Variants in NRXN1 observed in about 807,000 individuals in gnomAD.
NRXN1 encodes the protein neurexin-1.
NRXN1 carries 39 observed loss-of-function variants against 150.9 expected under a neutral mutation model. The ratio of observed to expected loss-of-function variants is 0.26; its 90% CI spans 0.20 to 0.34. The LOEUF (loss-of-function observed/expected upper bound fraction) is 0.34, where lower values mean the gene tolerates loss of function less well. Among genes scored for constraint, NRXN1 ranks in the 10% least tolerant of loss-of-function variants. NRXN1 has a pLI of 1.00. For missense variants in NRXN1, 1,815 were observed against 1,949.9 expected, an observed-to-expected ratio of 0.93 and a Z score of 1.30; for synonymous variants, 924 against 757.0, an observed-to-expected ratio of 1.22 and a Z score of -3.62.
chr2:50,582,337 G>A (rs1352020179), intron 8 of NRXN1, among the ~76,000 whole-genome samples: 1 of 151,678 alleles, frequency 6.6e-6, no homozygotes, highest in Non-Finnish European at 1.5e-5. Flanking sequence ...AGCCTGGGCA[G>A]CATGCCAAAT....
chr2:50,520,220 T>C (rs1005001123), intron 12 of NRXN1, among the ~76,000 whole-genome samples: 2 of 151,942 alleles, frequency 1.3e-5, no homozygotes, highest in Admixed American at 1.3e-4. Flanking sequence ...ATACTATTTC[T>C]GATTAGGAAC....
At chr2:50,559,765 CTATG>C (rs1464834164) in intron 8 of NRXN1, among the ~76,000 whole-genome samples, 1 of 151,910 alleles carries the variant, frequency 6.6e-6, no homozygotes, top group East Asian at 1.9e-4. Context: ...TAATACATAC[CTATG>C]TATGTCAGAG....
intron 17 of NRXN1, among the ~76,000 whole-genome samples, chr2:50,376,202 A>G (rs1221622598): frequency 6.6e-6 from 1 of 152,010 alleles, no homozygotes; most frequent in African/African-American, 2.4e-5. Flanking sequence ...AGAAAACAGT[A>G]TAAAGGACTT....
rs1677538445 is a variant in NRXN1, at chr2:50,870,055, T to C, written c.832+51814A>G. Among the ~76,000 whole-genome samples, 3 of 151,888 alleles carry C rather than the reference T, an allele frequency of 2.0e-5. 1 individual carries two copies. In the South Asian group the frequency reaches 6.2e-4, roughly 31 times the overall value. ...TTCTAGGTACTCAATAATAATATTG[T>C]AATTGGATTCTCCAGAATTATCATA... On this transcript the variant is annotated intron_variant, in intron 5 of 22. Transcript: ENST00000401669.
intron 5 of NRXN1, among the ~76,000 whole-genome samples, chr2:50,636,013 A>G (rs1454645563): frequency 6.6e-6 from 1 of 152,204 alleles, no homozygotes; most frequent in Non-Finnish European, 1.5e-5. Context: ...TACATTTAAA[A>G]TCACTACTCA....
At chr2:49,978,777 G>A (rs1260252848) in intron 21 of NRXN1, among the ~76,000 whole-genome samples, 1 of 151,648 alleles carries the variant, frequency 6.6e-6, no homozygotes, top group Non-Finnish European at 1.5e-5. Flanking sequence ...TATGGTGTGG[G>A]AGAAAACTAC....
chr2:50,151,325 G>GCACA (rs1371987472), intron 18 of NRXN1, among the ~76,000 whole-genome samples: 2 of 151,526 alleles, frequency 1.3e-5, no homozygotes, highest in Non-Finnish European at 2.9e-5. Flanking sequence ...CATTAATAGT[G>GCACA]CACACTAAAA....
intron 22 of NRXN1, among the ~76,000 whole-genome samples, chr2:49,929,621 A>G (rs2104157531): frequency 6.6e-6 from 1 of 152,310 alleles, no homozygotes; most frequent in South Asian, 2.1e-4. Flanking sequence ...CATACCAAAA[A>G]GAGTTCAACC....
rs1216394591 is a variant in NRXN1 at position 50,053,291 on chromosome 2, T to C, written c.4108A>G (p.Thr1370Ala). Reference protein sequence around the residue: ...TSTARRGKPPTKEPISQTTDD... With the variant: ...TSTARRGKPPAKEPISQTTDD... ...CTCACCTGGCTAATGGGTTCTTTTG[T>C]CGGGGGCTTTCCTCTTCTGGCTGTG... Residue 1370 changes from threonine to alanine, a missense_variant, in exon 21 of 23, where the codon ACA (threonine) becomes GCA (alanine). Physicochemically the swap from Thr to Ala is moderately conservative, Grantham distance 58. Around this residue, in one of 6 missense-constraint regions of NRXN1, gnomAD observed 265 missense variants for 307.1 expected, o/e 0.86. Transcript: ENST00000401669. 1 of 1,613,846 alleles carries C rather than the reference T, an allele frequency of 6.2e-7. No homozygotes were observed. The highest frequency in any genetic ancestry group is 8.5e-7 in the Non-Finnish European group (1 of 1,179,880).
At chr2:50,281,322 C>CAATAATAATAAT (rs371009865) in intron 17 of NRXN1, among the ~76,000 whole-genome samples, 20,666 of 148,856 alleles carry the variant, frequency 0.14, 1,738 homozygotes, top group East Asian at 0.33. Context: ...GTCTCAAAAA[C>CAATAATAATAAT]AATAATAATA....
chr2:51,023,206 A>G (rs1357203202), intron 2 of NRXN1, among the ~76,000 whole-genome samples: 1 of 152,108 alleles, frequency 6.6e-6, no homozygotes, highest in African/African-American at 2.4e-5. Context: ...TGTTCTCTAC[A>G]CTGTAGCTAG....
At chr2:50,758,562 C>A (rs963639503) in intron 5 of NRXN1, among the ~76,000 whole-genome samples, 1 of 151,862 alleles carries the variant, frequency 6.6e-6, no homozygotes, top group Non-Finnish European at 1.5e-5. Context: ...TCTGCTTCAG[C>A]CTCCCAAGTA....
intron 5 of NRXN1, among the ~76,000 whole-genome samples, chr2:50,907,762 ATTCTT>A (rs1683930656): frequency 6.6e-6 from 1 of 152,112 alleles, no homozygotes; most frequent in East Asian, 1.9e-4. Flanking sequence ...AAGAAAGCAG[ATTCTT>A]TGCAAGTGCT....
chr2:50,651,250 T>A (rs1026881381), intron 5 of NRXN1, among the ~76,000 whole-genome samples: 1 of 151,994 alleles, frequency 6.6e-6, no homozygotes, highest in Non-Finnish European at 1.5e-5. Context: ...TAGAATACCC[T>A]CTGGCCATCC....
intron 17 of NRXN1, among the ~76,000 whole-genome samples, chr2:50,377,363 C>T (rs1222382317): frequency 6.6e-6 from 1 of 152,112 alleles, no homozygotes; most frequent in Non-Finnish European, 1.5e-5. Flanking sequence ...TTTTCTGTTC[C>T]TGTGTTACTG....
At chr2:49,951,723 T>TA (rs1164477038) in intron 21 of NRXN1, among the ~76,000 whole-genome samples, 7 of 152,204 alleles carry the variant, frequency 4.6e-5, no homozygotes, top group Admixed American at 3.3e-4. Context: ...TATTATGGAT[T>TA]AGTCACACAG....
intron 21 of NRXN1, among the ~76,000 whole-genome samples, chr2:50,012,162 TAGAGTC>T (rs1685790998): frequency 6.6e-6 from 1 of 152,110 alleles, no homozygotes; most frequent in Non-Finnish European, 1.5e-5. Flanking sequence ...ATATTTAAAC[TAGAGTC>T]TTTTCTCATG....
intron 21 of NRXN1, among the ~76,000 whole-genome samples, chr2:50,022,466 C>G (rs914517627): frequency 6.6e-6 from 1 of 152,088 alleles, no homozygotes; most frequent in South Asian, 2.1e-4. Context: ...CTCTGTAAAT[C>G]AAGAATCTTT....
At chr2:50,502,183 TAGA>T (rs751956946) in intron 13 of NRXN1, among the ~76,000 whole-genome samples, 25 of 140,436 alleles carry the variant, frequency 1.8e-4, no homozygotes, top group Admixed American at 4.3e-4. Flanking sequence ...TCTGACAAAA[TAGA>T]AGAAGAAGGA....
Sources: allele counts gnomAD v4.1 joint callset (sites outside exome capture counted in the v4.1 genomes callset), GRCh38; gene constraint gnomAD v4.1.1; regional missense constraint gnomAD v4.1.1; transcripts MANE v1.5; gene names NCBI Gene and HGNC (gene_info 2026-07-23, HGNC 2026-07-21).